Variants in NRXN1 observed in about 807,000 individuals in gnomAD.
NRXN1 encodes neurexin 1.
NRXN1 carries 39 observed loss-of-function variants against 150.9 expected under a neutral mutation model. The observed-to-expected ratio is 0.26, with a 90% CI of 0.20 to 0.34. The LOEUF (loss-of-function observed/expected upper bound fraction) is 0.34. Ranked by LOEUF, NRXN1 falls within the 10% of genes least tolerant of loss-of-function variation. The probability of loss-of-function intolerance (pLI) is 1.00; values close to 1 mark genes in which losing one functional copy is unlikely to be tolerated. For missense variants in NRXN1, 1,815 were observed against 1,949.9 expected (o/e 0.93, Z 1.30); for synonymous variants, 924 against 757.0 (o/e 1.22, Z -3.62).
chr2:50,073,982 T>G (rs1179484643), intron 19 of NRXN1, among the ~76,000 whole-genome samples: 1 of 152,118 alleles, frequency 6.6e-6, no homozygotes, highest in African/African-American at 2.4e-5. Flanking sequence ...TGTTTGCACA[T>G]TTTTTAAGGC....
At chr2:50,972,094 A>AAT (rs201612470) in intron 2 of NRXN1, among the ~76,000 whole-genome samples, 54,699 of 151,782 alleles carry the variant, frequency 0.36, 10,506 homozygotes, top group Non-Finnish European at 0.44. Context: ...TCACAAAAAA[A>AAT]AAAAATTATT....
intron 18 of NRXN1, among the ~76,000 whole-genome samples, chr2:50,157,348 T>C (rs1041484742): frequency 6.6e-6 from 1 of 152,062 alleles, no homozygotes; most frequent in East Asian, 1.9e-4. Flanking sequence ...GAAAGTTATA[T>C]ATGTAAAGAC....
chr2:50,664,171 A>G (rs747860377), intron 5 of NRXN1, among the ~76,000 whole-genome samples: 15 of 152,002 alleles, frequency 9.9e-5, no homozygotes, highest in Non-Finnish European at 1.8e-4. Flanking sequence ...TAAAAGGAAT[A>G]TTAAAATTTA....
chr2:50,844,474 A>T (rs1673343796), intron 5 of NRXN1, among the ~76,000 whole-genome samples: 1 of 152,190 alleles, frequency 6.6e-6, no homozygotes, highest in African/African-American at 2.4e-5. Context: ...CATGCCTTGA[A>T]AATGGACCAT....
At chr2:50,622,659 T>A (rs1330024409) in intron 6 of NRXN1, among the ~76,000 whole-genome samples, 1 of 152,172 alleles carries the variant, frequency 6.6e-6, no homozygotes, top group East Asian at 1.9e-4. Flanking sequence ...GTATATAGCA[T>A]CTTGAAAAAG....
In NRXN1 at chr2:50,082,824, G is replaced by C. The variant is rs976459652; in HGVS notation, c.3718+8499C>G. On this transcript the variant is annotated intron_variant, in intron 19 of 22. Transcript: ENST00000401669. ...TTAAGTGAGAGACAAAAAAGTACTA[G>C]GAGAAATCGGGAAAGAAGAGGTTTG... Among the ~76,000 whole-genome samples, 3 of 143,368 alleles carry C rather than the reference G, an allele frequency of 2.1e-5. No homozygotes were observed. In the East Asian group the frequency reaches 6.3e-4, roughly 30 times the overall value. 94.1% of individuals were successfully genotyped at this position (143,368 alleles called of 152,430 possible).
intron 17 of NRXN1, among the ~76,000 whole-genome samples, chr2:50,359,804 A>G (rs980351795): frequency 6.6e-6 from 1 of 152,066 alleles, no homozygotes; most frequent in African/African-American, 2.4e-5. Context: ...ACACATAATC[A>G]TCAGATTCAC....
intron 19 of NRXN1, among the ~76,000 whole-genome samples, chr2:50,078,740 T>C (rs901219986): frequency 6.6e-6 from 1 of 152,092 alleles, no homozygotes; most frequent in African/African-American, 2.4e-5. Flanking sequence ...GTTGAGAATA[T>C]GAATACCAAA....
At chr2:50,852,890 C>T (rs1341758761) in intron 5 of NRXN1, among the ~76,000 whole-genome samples, 1 of 152,108 alleles carries the variant, frequency 6.6e-6, no homozygotes, top group Non-Finnish European at 1.5e-5. Context: ...AAATAGAGTC[C>T]TTTCCTCTTG....
At chr2:50,198,122 G>C (rs2061895768) in intron 18 of NRXN1, among the ~76,000 whole-genome samples, 1 of 152,006 alleles carries the variant, frequency 6.6e-6, no homozygotes, top group Non-Finnish European at 1.5e-5. Context: ...ATCATCTGTG[G>C]GGCATTGCTA....
At chr2:50,923,417 TA>T in intron 3 of NRXN1, 1 of 319,864 alleles carries the variant, frequency 3.1e-6, no homozygotes, top group Non-Finnish European at 6.6e-6. Flanking sequence ...TAAGTTAGTG[TA>T]AAGATACATA....
At chr2:51,021,316 T>C (rs551997081) in intron 2 of NRXN1, among the ~76,000 whole-genome samples, 3 of 152,070 alleles carry the variant, frequency 2.0e-5, no homozygotes, top group South Asian at 2.1e-4. Flanking sequence ...TACATATTTA[T>C]AGGAGTTAAT....
At chr2:50,197,878 T>C (rs2061880586) in intron 18 of NRXN1, among the ~76,000 whole-genome samples, 1 of 152,182 alleles carries the variant, frequency 6.6e-6, no homozygotes, top group African/African-American at 2.4e-5. Flanking sequence ...AAAGGCCTTA[T>C]TGCAAGTCAA....
intron 21 of NRXN1, among the ~76,000 whole-genome samples, chr2:50,013,812 A>T (rs1686108552): frequency 6.6e-6 from 1 of 152,168 alleles, no homozygotes; most frequent in South Asian, 2.1e-4. Flanking sequence ...AATGAAAGAC[A>T]TTTCTTATTT....
chr2:50,561,202 G>A (rs1463443294), intron 8 of NRXN1, among the ~76,000 whole-genome samples: 1 of 152,150 alleles, frequency 6.6e-6, no homozygotes, highest in Non-Finnish European at 1.5e-5. Context: ...GTTATTCATG[G>A]GAGTTGAAAG....
intron 2 of NRXN1, among the ~76,000 whole-genome samples, chr2:51,024,085 A>G (rs942356229): frequency 6.6e-6 from 1 of 152,206 alleles, no homozygotes; most frequent in Non-Finnish European, 1.5e-5. Flanking sequence ...TCTTGTTTTT[A>G]AACTGGATAG....
At chr2:50,231,682 A>G (rs2064955471) in intron 18 of NRXN1, among the ~76,000 whole-genome samples, 1 of 152,058 alleles carries the variant, frequency 6.6e-6, no homozygotes, top group Non-Finnish European at 1.5e-5. Flanking sequence ...CCTCAGTGAC[A>G]TTTCCTCTGG....
rs187844171 is a variant in NRXN1, at chr2:51,028,813, T to C, written c.-540A>G. On this transcript the variant is annotated 5_prime_UTR_variant, in exon 2 of 23. Coordinates refer to ENST00000401669, the MANE Select transcript of NRXN1 (RefSeq NM_001330078.2). ...GATGCTTGTGAATGCCTCAAGTCTG[T>C]CTCCTTCAGATGTGGTGTCTTACAG... 2 of 152,514 alleles carry C rather than the reference T, an allele frequency of 1.3e-5. No homozygotes were observed. Among genetic ancestry groups the C allele is most frequent in the Admixed American group, 1.3e-4 (2 of 15,306 alleles). 9.4% of individuals were successfully genotyped at this position (152,514 alleles called of 1,614,324 possible).
At chr2:50,265,086 A>G (rs2068701092) in intron 17 of NRXN1, among the ~76,000 whole-genome samples, 1 of 152,060 alleles carries the variant, frequency 6.6e-6, no homozygotes, top group Admixed American at 6.6e-5. Context: ...TTCCAAAAAC[A>G]TTTGATATGG....
Sources: allele counts gnomAD v4.1 joint callset (sites outside exome capture counted in the v4.1 genomes callset), GRCh38; gene constraint gnomAD v4.1.1; transcripts MANE v1.5; gene names NCBI Gene and HGNC (gene_info 2026-07-23, HGNC 2026-07-21).